Variants in AGAP2 observed in about 807,000 individuals in gnomAD.
AGAP2 encodes the protein arf-GAP with GTPase, ANK repeat and PH domain-containing protein 2.
In AGAP2, 32 loss-of-function variants were observed where a neutral mutation model predicts 110.9. The observed-to-expected ratio is 0.29, with a 90% confidence interval of 0.22 to 0.39. The LOEUF is 0.39. Among genes scored for constraint, AGAP2 ranks in the 10% least tolerant of loss-of-function variants. The pLI, the probability that AGAP2 is intolerant of heterozygous loss-of-function variation, is 1.00. For missense variants in AGAP2, 1,285 were observed against 1,638.5 expected, an observed-to-expected ratio of 0.78 and a Z score of 3.72; for synonymous variants, 702 against 713.0, an observed-to-expected ratio of 0.98 and a Z score of 0.25.
rs1955035204 is a variant in AGAP2 at position 57,738,564 on chromosome 12, C to G, written c.-318G>C. 6.7e-6 allele frequency among the ~76,000 whole-genome samples: 1 copy of G among 150,336 alleles called. No homozygotes were observed. Among genetic ancestry groups the G allele is most frequent in the East Asian group, 2.0e-4 (1 of 5,090 alleles). ...GGGCGCTGAGATGGGTGGGGGAGGG[C>G]GGGGAGGACAGTAGTGGGGGCAAAT... On this transcript the variant is annotated 5_prime_UTR_variant, in exon 1 of 19. Transcript: ENST00000547588. The surrounding 1 kb of genome is among the most constrained non-coding windows in gnomAD (Gnocchi z 6.7).
Position 57,737,363 on chromosome 12 carries a change from A to G in AGAP2, c.884T>C (p.Leu295Pro). The change falls in exon 1 of 19, where the codon CTC (leucine) becomes CCC (proline). Residue 295 changes from leucine (L) to proline (P), a missense_variant. This residue lies in a region of AGAP2 where 844 missense variants were observed against 941.2 expected (regional missense o/e 0.90). Transcript: ENST00000547588. This position sits in a 1 kb window ranked among gnomAD's most constrained non-coding sequence, Gnocchi z 5.9. ...PPAGSPPPLT[L>P]PPTPSPATAV... is the part of the protein sequence containing the mutation. The stretch of plus-strand genomic sequence containing the variant: ...AGTGGCTGGACTCGGAGTTGGTGGG[A>G]GGGTTAGCGGAGGAGGAGAGCCGGC... 3 of 1,613,588 alleles carry G rather than the reference A, an allele frequency of 1.9e-6. No individual in the cohort carries two copies. The highest frequency in any genetic ancestry group is 2.5e-6 in the Non-Finnish European group (3 of 1,179,776).
At chr12:57,735,240 G>A (rs1954957474) in intron 2 of AGAP2, 129 bp downstream of exon 2, 1 of 891,162 alleles carries the variant, frequency 1.1e-6, no homozygotes, top group Non-Finnish European at 1.8e-6. Flanking sequence ...AGACTCTCAG[G>A]AGAACTGGAA....
At chr12:57,728,428 G>A in intron 13 of AGAP2, 51 bp from the exon 14 acceptor site, 2 of 1,580,792 alleles carry the variant, frequency 1.3e-6, no homozygotes, top group East Asian at 2.2e-5. Context: ...GCAGAACAGA[G>A]AAAGAGAGAC....
chr12:57,726,822 G>A lies in AGAP2; in HGVS notation c.3337-28C>T. 1 of 1,429,054 alleles carries A rather than the reference G, an allele frequency of 7.0e-7. No homozygotes were observed. Among genetic ancestry groups the A allele is most frequent in the East Asian group, 2.5e-5 (1 of 39,304 alleles). The allele number at this position is 1,429,054 out of a possible 1,614,324, so 88.5% of individuals were successfully genotyped here. On this transcript the variant is annotated intron_variant, in intron 18 of 18. Coordinates refer to ENST00000547588, the MANE Select transcript of AGAP2 (RefSeq NM_001122772.3). This position sits in a 1 kb window ranked among gnomAD's most constrained non-coding sequence, Gnocchi z 5.7. ...AGAGGGCGGAAACGGCCGCGTGACC[G>A]CGCGTCCCCAGGGCGCCCACACCCG...
At chr12:57,733,185 C>CTGTGTGTGTG (rs35371569) in intron 5 of AGAP2, among the ~76,000 whole-genome samples, 7 of 146,572 alleles carry the variant, frequency 4.8e-5, no homozygotes, top group African/African-American at 1.8e-4. Flanking sequence ...GCTGGGTGAG[C>CTGTGTGTGTG]TGTGTGTGTG....
At chr12:57,733,994 T>G (rs375380878) in intron 5 of AGAP2, 32 bp downstream of exon 5, 12 of 1,536,086 alleles carry the variant, frequency 7.8e-6, no homozygotes, top group Non-Finnish European at 1.1e-5. Context: ...AGGGCCTCCC[T>G]TGAAAGCAGT....
In AGAP2 at chr12:57,727,387, C is replaced by T. The variant is rs775467574; in HGVS notation, c.3053G>A (p.Arg1018His). Reference sequence around the variant, plus strand: ...CGAAGAGTCCCGCGAGGGCTTGGCACGGCCTCGCGTGTCGCTTTCCCACAC... The same window carrying T: ...CGAAGAGTCCCGCGAGGGCTTGGCATGGCCTCGCGTGTCGCTTTCCCACAC... ...NRVWESDTRG[R>H]AKPSRDSSRE... The change falls in exon 17 of 19, where the codon CGT becomes CAT. Residue 1018 changes from arginine to histidine, a missense_variant. Arg to His is a conservative substitution (Grantham distance 29). Coordinates refer to ENST00000547588, the MANE Select transcript of AGAP2 (RefSeq NM_001122772.3). 18 of 1,611,980 alleles carry T rather than the reference C, an allele frequency of 1.1e-5. No homozygotes were observed. The South Asian group carries it at 1.6e-4, about 15-fold the overall frequency.
chr12:57,730,470 C>T, intron 12 of AGAP2, 25 bp downstream of exon 12: 3 of 1,612,298 alleles, frequency 1.9e-6, no homozygotes, highest in Non-Finnish European at 2.5e-6. Flanking sequence ...TGGAAGACAG[C>T]AGATGGAAGG....
At chr12:57,734,701 A>G (rs749510208) in intron 2 of AGAP2, 22 bp from the exon 3 acceptor site, 2 of 1,612,170 alleles carry the variant, frequency 1.2e-6, no homozygotes, top group Non-Finnish European at 1.7e-6. Context: ...GTTGTGGAGC[A>G]GAAATTGTGG....
Position 57,738,383 on chromosome 12 carries a change from G to A in AGAP2, c.-137C>T. The A allele has an allele frequency of 1.8e-6, 2 of 1,137,852 alleles. No homozygotes were observed. Among genetic ancestry groups the A allele is most frequent in the Non-Finnish European group, 2.2e-6 (2 of 907,672 alleles). 70.5% of individuals were successfully genotyped at this position (1,137,852 alleles called of 1,614,324 possible). A position where few individuals can be genotyped will look rare whatever the true frequency, so the allele number is the denominator to read the frequency against. ...GAGCCCCCGGCCCGGCTCCGCTGTC[G>A]CCGCCGCCTCCGCCGCCTCCGCTTG... On this transcript the variant is annotated 5_prime_UTR_variant, in exon 1 of 19. An upstream open reading frame in the 5' UTR gains an earlier in-frame stop. Transcript: ENST00000547588. This position sits in a 1 kb window ranked among gnomAD's most constrained non-coding sequence, Gnocchi z 6.7.
At chr12:57,729,168 T>TC (rs1281520781) in intron 13 of AGAP2, among the ~76,000 whole-genome samples, 21 of 110,144 alleles carry the variant, frequency 1.9e-4, no homozygotes, top group African/African-American at 7.7e-4. Flanking sequence ...AGAGTGAGAC[T>TC]CCATCTCAAA....
chr12:57,725,700 C>T lies in AGAP2; in HGVS notation c.*852G>A. Reference sequence around the variant, plus strand: ...CAACCCGAGAGCACCCCCACCCCAACCCACCCCCTGCCCACCCTGGGCTTC... The same window carrying T: ...CAACCCGAGAGCACCCCCACCCCAATCCACCCCCTGCCCACCCTGGGCTTC... On this transcript the variant is annotated 3_prime_UTR_variant, in exon 19 of 19. Coordinates refer to ENST00000547588, the MANE Select transcript of AGAP2 (RefSeq NM_001122772.3). 1.4e-5 allele frequency: 1 copy of T among 71,262 alleles called. No homozygotes were observed. The highest frequency in any genetic ancestry group is 2.9e-5 in the Non-Finnish European group (1 of 34,514). 4.4% of individuals were successfully genotyped at this position (71,262 alleles called of 1,614,324 possible). A position where few individuals can be genotyped will look rare whatever the true frequency, so the allele number is the denominator to read the frequency against.
Position 57,726,912 on chromosome 12 carries a change from G to T in AGAP2, c.3336+62C>A. The T allele has an allele frequency of 6.7e-7, 1 of 1,491,654 alleles. No individual in the cohort carries two copies. The highest frequency in any genetic ancestry group is 8.9e-7 in the Non-Finnish European group (1 of 1,126,792). The allele number at this position is 1,491,654 out of a possible 1,614,324, so 92.4% of individuals were successfully genotyped here. ...CCCTCTGGGAATTTCGGGCTTTCCCGCGCCAGGCGTTTTCCGAGATGAAGC... is the reference window on the plus strand; with the variant it reads ...CCCTCTGGGAATTTCGGGCTTTCCCTCGCCAGGCGTTTTCCGAGATGAAGC... On this transcript the variant is annotated intron_variant, in intron 18 of 18. Transcript: ENST00000547588. This position sits in a 1 kb window ranked among gnomAD's most constrained non-coding sequence, Gnocchi z 5.7.
intron 14 of AGAP2, 36 bp from the exon 15 acceptor site, chr12:57,728,121 G>A (rs1268753869): frequency 1.3e-6 from 2 of 1,563,436 alleles, no homozygotes; most frequent in Non-Finnish European, 1.7e-6. Flanking sequence ...TTAAGGGACA[G>A]AGTTCAAGCA....
At position 57,737,114 on chromosome 12, in the gene AGAP2, C is replaced by G; in HGVS notation, c.1133G>C (p.Arg378Thr). 6.4e-7 allele frequency: 1 copy of G among 1,566,096 alleles called. No individual in the cohort carries two copies. Among genetic ancestry groups the G allele is most frequent in the South Asian group, 1.2e-5 (1 of 85,118 alleles). The change falls in exon 1 of 19, where the codon AGG becomes ACG. Residue 378 changes from arginine (R) to threonine (T), a missense_variant. Coordinates refer to ENST00000547588, the MANE Select transcript of AGAP2 (RefSeq NM_001122772.3). This position sits in a 1 kb window ranked among gnomAD's most constrained non-coding sequence, Gnocchi z 5.9. ...PPSLSSGSGSRELLGAELRAS... is the reference protein window; with the variant it reads ...PPSLSSGSGSTELLGAELRAS... ...GCGGAGCTCGGCGCCCAGCAGCTCC[C>G]TGGACCCGCTGCCAGAAGACAGGCT...
upstream of AGAP2, among the ~76,000 whole-genome samples, chr12:57,740,925 T>A (rs1486636886): frequency 6.6e-6 from 1 of 152,168 alleles, no homozygotes; most frequent in African/African-American, 2.4e-5. Flanking sequence ...GAAAGAATGA[T>A]CTCTTGACAA....
chr12:57,731,918 G>A lies in AGAP2; in HGVS notation c.1844C>T (p.Ser615Leu). The change falls in exon 8 of 19, where the codon TCA becomes TTA. Residue 615 changes from serine (S) to leucine (L), a missense_variant. Ser to Leu is a moderately radical substitution (Grantham distance 145, BLOSUM62 -2). Coordinates refer to ENST00000547588, the MANE Select transcript of AGAP2 (RefSeq NM_001122772.3). ...TSDYSSSLPS[S>L]PNVGHRELRA... The stretch of plus-strand genomic sequence containing the variant: ...GAGCTCCCGGTGACCAACATTCGGT[G>A]AGGACGGGAGGGAAGAAGAGTAGTC... 6.2e-7 allele frequency: 1 copy of A among 1,613,662 alleles called. No individual in the cohort carries two copies. The highest frequency in any genetic ancestry group is 1.1e-5 in the South Asian group (1 of 90,878).
chr12:57,730,319 TC>T (rs1276800276), intron 12 of AGAP2, 175 bp downstream of exon 12: 12 of 938,878 alleles, frequency 1.3e-5, no homozygotes, highest in Non-Finnish European at 4.7e-6. Flanking sequence ...GACGTTAGAG[TC>T]CACTTGTCTT....
In AGAP2 at chr12:57,734,810, T is replaced by C. The variant is rs907537079; in HGVS notation, c.1228-131A>G. 6.2e-5 allele frequency: 48 copies of C among 772,564 alleles called. No homozygotes were observed. The East Asian group carries it at 1.2e-3, about 20-fold the overall frequency. 47.9% of individuals were successfully genotyped at this position (772,564 alleles called of 1,614,324 possible). A position where few individuals can be genotyped will look rare whatever the true frequency, so the allele number is the denominator to read the frequency against. On this transcript the variant is annotated intron_variant, in intron 2 of 18. Transcript: ENST00000547588. ...CCCTACAGGGCCTGGATGACAGTCA[T>C]TCCAGAGAGAGCAGTTGGGAGGATC... is the stretch of plus-strand genomic sequence containing the variant.
Sources: allele counts gnomAD v4.1 joint callset (sites outside exome capture counted in the v4.1 genomes callset), GRCh38; gene constraint gnomAD v4.1.1; regional missense constraint gnomAD v4.1.1; non-coding constraint Gnocchi (gnomAD v3.1); transcripts MANE v1.5; gene names NCBI Gene and HGNC (gene_info 2026-07-23, HGNC 2026-07-21).